Variants in FGF14 observed in about 807,000 individuals in gnomAD.
FGF14 encodes the protein fibroblast growth factor homologous factor 4.
A neutral mutation model predicts 25.5 loss-of-function variants in FGF14; 5 were observed. The observed-to-expected ratio is 0.20, with a 90% CI of 0.10 to 0.41. The LOEUF (loss-of-function observed/expected upper bound fraction) is 0.41. Ranked by LOEUF, FGF14 falls within the 10% of genes least tolerant of loss-of-function variation. The probability of loss-of-function intolerance (pLI) is 1.00; values close to 1 mark genes in which losing one functional copy is unlikely to be tolerated. For missense variants in FGF14, 222 were observed against 320.1 expected, an observed-to-expected ratio of 0.69 and a Z score of 2.34; for synonymous variants, 138 against 118.3, an observed-to-expected ratio of 1.17 and a Z score of -1.08.
intron 1 of FGF14, among the ~76,000 whole-genome samples, chr13:102,094,230 C>T (rs1298001050): frequency 1.3e-5 from 2 of 151,994 alleles, no homozygotes; most frequent in African/African-American, 4.8e-5. Flanking sequence ...TATTTATAAA[C>T]TCTAATATGA....
intron 1 of FGF14, among the ~76,000 whole-genome samples, chr13:102,265,132 C>T (rs1039606142): frequency 3.3e-5 from 5 of 152,060 alleles, no homozygotes; most frequent in African/African-American, 1.2e-4. Context: ...TTAACTTGGC[C>T]TCTCTCTTCC....
intron 1 of FGF14, among the ~76,000 whole-genome samples, chr13:101,887,328 G>GTGTATATATATA (rs372585813): frequency 6.8e-6 from 1 of 147,640 alleles, no homozygotes; most frequent in Non-Finnish European, 1.5e-5. Context: ...ATATATGTGT[G>GTGTATATATATA]TATATATATA....
intron 1 of FGF14, among the ~76,000 whole-genome samples, chr13:102,068,622 C>T (rs756181979): frequency 2.6e-5 from 4 of 152,230 alleles, no homozygotes; most frequent in East Asian, 1.9e-4. Flanking sequence ...CCCGGGCCAG[C>T]GGCTGCAGAG....
At chr13:102,261,267 T>C (rs1271736994) in intron 1 of FGF14, among the ~76,000 whole-genome samples, 2 of 152,234 alleles carry the variant, frequency 1.3e-5, no homozygotes, top group African/African-American at 4.8e-5. Context: ...TAAGGAGCTT[T>C]ACCTTTAGCT....
At chr13:102,299,530 C>G (rs1384562159) in intron 1 of FGF14, among the ~76,000 whole-genome samples, 1 of 151,952 alleles carries the variant, frequency 6.6e-6, no homozygotes, top group Admixed American at 6.6e-5. Context: ...GGCAAGAGAT[C>G]ATGAGGAAAA....
intron 1 of FGF14, among the ~76,000 whole-genome samples, chr13:102,017,503 G>A (rs1221202385): frequency 6.6e-6 from 1 of 152,006 alleles, no homozygotes; most frequent in Non-Finnish European, 1.5e-5. Context: ...TTGTTCCTTG[G>A]TAGATTATTT....
intron 1 of FGF14, among the ~76,000 whole-genome samples, chr13:102,044,492 C>T (rs2041891502): frequency 6.6e-6 from 1 of 151,904 alleles, no homozygotes; most frequent in Non-Finnish European, 1.5e-5. Context: ...TTTGCCAGAT[C>T]ATCGATCTGT....
chr13:102,315,309 A>G (rs551516899), intron 1 of FGF14, among the ~76,000 whole-genome samples: 1 of 152,280 alleles, frequency 6.6e-6, no homozygotes, highest in Admixed American at 6.5e-5. Context: ...GACAGAAGAT[A>G]CTGCTTCCAA....
At chr13:102,156,606 A>T (rs1397603653) in intron 1 of FGF14, among the ~76,000 whole-genome samples, 1 of 152,246 alleles carries the variant, frequency 6.6e-6, no homozygotes, top group Non-Finnish European at 1.5e-5. Flanking sequence ...GGCACAAGAC[A>T]GGGAGGCCCT....
intron 1 of FGF14, among the ~76,000 whole-genome samples, chr13:101,931,660 G>A (rs2034758031): frequency 6.6e-6 from 1 of 152,170 alleles, no homozygotes; most frequent in Non-Finnish European, 1.5e-5. Flanking sequence ...GCTGTTAAGA[G>A]TAACTTTGAA....
At chr13:102,255,937 T>C (rs1470664114) in intron 1 of FGF14, among the ~76,000 whole-genome samples, 1 of 152,188 alleles carries the variant, frequency 6.6e-6, no homozygotes, top group Non-Finnish European at 1.5e-5. Flanking sequence ...CAAGGCATGC[T>C]TGATGGTGGG....
intron 1 of FGF14, among the ~76,000 whole-genome samples, chr13:102,091,719 T>C (rs913015725): frequency 6.6e-6 from 1 of 152,208 alleles, no homozygotes; most frequent in Admixed American, 6.5e-5. Context: ...TTTGTTTTCC[T>C]TTTTTTCCCC....
At chr13:102,376,044 T>TCAATAAAA (rs2058033430) in intron 1 of FGF14, among the ~76,000 whole-genome samples, 1 of 152,164 alleles carries the variant, frequency 6.6e-6, no homozygotes, top group African/African-American at 2.4e-5. Flanking sequence ...TGGCTGGGCC[T>TCAATAAAA]ATTATTTCAT....
intron 1 of FGF14, among the ~76,000 whole-genome samples, chr13:102,397,264 A>G (rs994099923): frequency 6.6e-6 from 1 of 152,218 alleles, no homozygotes. Context: ...TAACAGTGGC[A>G]TACCAGGTGT....
rs538244037 is a variant in FGF14, at chr13:102,124,782, C to T, written c.209-249486G>A. On this transcript the variant is annotated intron_variant, in intron 1 of 4. Transcript: ENST00000376131. ...TTCTTGAGCCTATTTACTCTTGTTT[C>T]ATCTTCCTGTTATTTATATATATTC... Among the ~76,000 whole-genome samples the T allele has an allele frequency of 5.9e-5, 9 of 152,212 alleles. No homozygotes were observed. The South Asian group carries it at 1.7e-3, about 28-fold the overall frequency.
At chr13:102,009,577 T>C (rs1404025210) in intron 1 of FGF14, among the ~76,000 whole-genome samples, 1 of 152,152 alleles carries the variant, frequency 6.6e-6, no homozygotes, top group African/African-American at 2.4e-5. Flanking sequence ...ATTAAAAAAT[T>C]GTTCTTCAAA....
chr13:101,902,785 A>T (rs367891578), intron 1 of FGF14, among the ~76,000 whole-genome samples: 14 of 152,244 alleles, frequency 9.2e-5, no homozygotes, highest in African/African-American at 3.4e-4. Context: ...GAGAATCTGA[A>T]ATTTCACTGG....
Position 101,876,318 on chromosome 13 carries a change from A to C in FGF14, c.194-1022T>G, listed in dbSNP as rs533493520. Among the ~76,000 whole-genome samples the C allele has an allele frequency of 5.3e-5, 8 of 152,304 alleles. No homozygotes were observed. In the South Asian group the frequency reaches 1.7e-3, roughly 32 times the overall value. ...TCACCATGGCAACTGGCATCTCTCC[A>C]CAACAGCTGAATGGGCCATGCTAAT... On this transcript the variant is annotated intron_variant, in intron 1 of 4. Coordinates refer to ENST00000376143, the MANE Select transcript of FGF14 (RefSeq NM_004115.4).
intron 3 of FGF14, among the ~76,000 whole-genome samples, chr13:101,859,690 G>C (rs1403587368): frequency 6.6e-6 from 1 of 152,060 alleles, no homozygotes; most frequent in Non-Finnish European, 1.5e-5. Flanking sequence ...TTTGGTTGTA[G>C]TTAGGAAATA....
Sources: gnomAD v4.1 joint callset for allele counts (sites outside exome capture counted in the v4.1 genomes callset) on GRCh38, gnomAD v4.1.1 for gene constraint, MANE v1.5 for transcripts, NCBI Gene and HGNC (gene_info 2026-07-23, HGNC 2026-07-21) for gene names.